GCNT2: variants seen among roughly 807,000 people sequenced by gnomAD.
GCNT2 encodes N-acetyllactosaminide beta-1,6-N-acetylglucosaminyl-transferase.
Under a neutral mutation model 34.2 loss-of-function variants are expected in GCNT2, and 34 were observed. The observed-to-expected ratio is 1.00, with a 90% CI of 0.76 to 1.32. The LOEUF is 1.32. Ranked by LOEUF, GCNT2 falls within the 40% of genes most tolerant of loss-of-function variation. The probability of loss-of-function intolerance (pLI) is 0.00; values close to 1 mark genes in which losing one functional copy is unlikely to be tolerated. For synonymous variants in GCNT2, 212 were observed against 188.0 expected, an observed-to-expected ratio of 1.13 and a Z score of -1.04; for missense variants, 584 against 489.4, an observed-to-expected ratio of 1.19 and a Z score of -1.82.
chr6:10,532,793 G>T (rs1581366487), intron 3 of GCNT2, among the ~76,000 whole-genome samples: 1 of 152,190 alleles, frequency 6.6e-6, no homozygotes, highest in East Asian at 1.9e-4. Context: ...GAATGTAGGA[G>T]GTTAGGGAAT....
At chr6:10,540,114 GAAAGT>G (rs1258654110) in intron 3 of GCNT2, among the ~76,000 whole-genome samples, 2 of 151,680 alleles carry the variant, frequency 1.3e-5, no homozygotes, top group Non-Finnish European at 2.9e-5. Context: ...GGAAAAGGAA[GAAAGT>G]AAAGGATGGA....
intron 3 of GCNT2, among the ~76,000 whole-genome samples, chr6:10,576,947 CCAAGTGCCTGTAGTCTCAGCTA>C (rs1463050745): frequency 1.3e-5 from 2 of 151,946 alleles, no homozygotes; most frequent in Non-Finnish European, 1.5e-5. Flanking sequence ...ATAAAATTAG[CCAAGTGCCTGTAGTCTCAGCTA>C]CAGGAGGCTG....
At chr6:10,613,622 T>G (rs1031231598) in intron 3 of GCNT2, among the ~76,000 whole-genome samples, 3 of 152,240 alleles carry the variant, frequency 2.0e-5, no homozygotes, top group African/African-American at 7.2e-5. Context: ...ATCAGAATTT[T>G]TAAGATGAAA....
At chr6:10,553,462 C>T (rs1354410718) in intron 3 of GCNT2, among the ~76,000 whole-genome samples, 1 of 152,224 alleles carries the variant, frequency 6.6e-6, no homozygotes, top group Non-Finnish European at 1.5e-5. Flanking sequence ...ATGCTGAGCA[C>T]ATGGAGGAGG....
chr6:10,529,413 C>T lies in GCNT2; in HGVS notation c.502C>T (p.Gln168Ter), dbSNP rs769335145. The T allele has an allele frequency of 8.1e-6, 13 of 1,614,156 alleles. No individual in the cohort carries two copies. The highest frequency in any genetic ancestry group is 1.0e-5 in the Non-Finnish European group (12 of 1,180,020). ...TGTCTATGGGGGGATCTCCAGGCTCCAGGCTGACCTGAACTGCCTGGAAGA... is the reference window on the plus strand; with the variant it reads ...TGTCTATGGGGGGATCTCCAGGCTCTAGGCTGACCTGAACTGCCTGGAAGA... ...SVVYGGISRL[Q>*]ADLNCLEDLV... is the part of the protein sequence containing the mutation. Residue 168 changes from glutamine (Q) to a stop codon, truncating the protein, a stop_gained, in exon 3 of 5, where the codon CAG (glutamine) becomes TAG (stop). Coordinates refer to ENST00000495262, the MANE Select transcript of GCNT2 (RefSeq NM_145649.5). LOFTEE classifies it high-confidence loss of function.
chr6:10,565,760 G>A (rs892537654), intron 3 of GCNT2, among the ~76,000 whole-genome samples: 1 of 151,292 alleles, frequency 6.6e-6, no homozygotes. Context: ...TCGCTCCCCC[G>A]TGACACGTTC....
intron 4 of GCNT2, among the ~76,000 whole-genome samples, chr6:10,624,171 C>T (rs1766164407): frequency 6.6e-6 from 1 of 152,292 alleles, no homozygotes; most frequent in East Asian, 1.9e-4. Flanking sequence ...CTAAGGGACA[C>T]CTTTTCAGCT....
At chr6:10,585,182 T>G (rs1438371287) in intron 3 of GCNT2, among the ~76,000 whole-genome samples, 2 of 152,060 alleles carry the variant, frequency 1.3e-5, no homozygotes, top group African/African-American at 4.8e-5. Context: ...AATGTATTTT[T>G]TAAAGTAAGT....
Position 10,628,296 on chromosome 6 carries a change from A to G in GCNT2, c.*1689A>G, listed in dbSNP as rs1291144017. On this transcript the variant is annotated 3_prime_UTR_variant, in exon 5 of 5. Transcript: ENST00000495262. The stretch of plus-strand genomic sequence containing the variant: ...TATTTATTTATTCTAACAAAAAGCA[A>G]TTACTACAAATGGATGACACATTTA... The G allele has an allele frequency of 6.6e-6, 1 of 152,632 alleles. No individual in the cohort carries two copies. The highest frequency in any genetic ancestry group is 2.4e-5 in the African/African-American group (1 of 41,444). The allele number at this position is 152,632 out of a possible 1,614,324, so 9.5% of individuals were successfully genotyped here.
intron 3 of GCNT2, among the ~76,000 whole-genome samples, chr6:10,589,597 T>C (rs1396467140): frequency 6.6e-6 from 1 of 152,062 alleles, no homozygotes; most frequent in Non-Finnish European, 1.5e-5. Flanking sequence ...CAATGGGAAG[T>C]GGCCCTTGGT....
intron 3 of GCNT2, among the ~76,000 whole-genome samples, chr6:10,551,482 G>A (rs897813626): frequency 2.1e-4 from 31 of 145,726 alleles, no homozygotes; most frequent in African/African-American, 7.6e-4. Flanking sequence ...GTCTCGCTCC[G>A]TTGCCCAGGC....
intron 1 of GCNT2, among the ~76,000 whole-genome samples, chr6:10,524,251 CTT>C (rs77144347): frequency 0.012 from 1,539 of 131,422 alleles, 21 homozygotes; most frequent in African/African-American, 0.039. Flanking sequence ...TAATCCAGGG[CTT>C]TTTTTTTTTT....
chr6:10,563,772 AAAAAAATATAT>A (rs1262769401), intron 3 of GCNT2, among the ~76,000 whole-genome samples: 5,781 of 58,496 alleles, frequency 0.099, 103 homozygotes, highest in Non-Finnish European at 0.1. Context: ...AAAAAAAAAA[AAAAAAATATAT>A]ATATATATAT....
intron 4 of GCNT2, among the ~76,000 whole-genome samples, chr6:10,622,057 G>C (rs1029337759): frequency 2.0e-5 from 3 of 152,196 alleles, no homozygotes; most frequent in South Asian, 2.1e-4. Context: ...CTTCCCAGTG[G>C]CTTGGAGAGC....
At chr6:10,531,874 CTTT>C (rs71548846) in intron 3 of GCNT2, among the ~76,000 whole-genome samples, 6 of 129,554 alleles carry the variant, frequency 4.6e-5, no homozygotes, top group Admixed American at 1.6e-4. Context: ...CCAATCCCCA[CTTT>C]TTTTTTTTTT....
At chr6:10,602,323 C>G (rs147531079) in intron 3 of GCNT2, among the ~76,000 whole-genome samples, 1 of 152,286 alleles carries the variant, frequency 6.6e-6, no homozygotes, top group Non-Finnish European at 1.5e-5. Flanking sequence ...CCAGACACGT[C>G]CAAGATTAAC....
chr6:10,603,377 T>C (rs969798177), intron 3 of GCNT2, among the ~76,000 whole-genome samples: 3 of 152,242 alleles, frequency 2.0e-5, no homozygotes, highest in Admixed American at 6.5e-5. Context: ...CTTCCCTTTT[T>C]TTCTGCCATT....
intron 3 of GCNT2, among the ~76,000 whole-genome samples, chr6:10,578,620 G>T (rs569378254): frequency 4.0e-5 from 6 of 151,602 alleles, no homozygotes; most frequent in African/African-American, 9.7e-5. Flanking sequence ...CCAATTTTTT[G>T]TATTTTTAGT....
At chr6:10,550,730 C>A (rs1469225353) in intron 3 of GCNT2, among the ~76,000 whole-genome samples, 1 of 152,154 alleles carries the variant, frequency 6.6e-6, no homozygotes, top group Non-Finnish European at 1.5e-5. Flanking sequence ...TAATCCTCTC[C>A]CTCGGCCTCC....
Sources: gnomAD v4.1 joint callset for allele counts (sites outside exome capture counted in the v4.1 genomes callset) on GRCh38, gnomAD v4.1.1 for gene constraint, MANE v1.5 for transcripts, NCBI Gene and HGNC (gene_info 2026-07-23, HGNC 2026-07-21) for gene names.